The following NUP210 variants were observed in gnomAD, a reference collection of about 807,000 sequenced individuals.
NUP210 encodes nucleoporin 210.
Under a neutral mutation model 196.0 loss-of-function variants are expected in NUP210, and 151 were observed. The ratio of observed to expected loss-of-function variants is 0.77; its 90% CI spans 0.67 to 0.88. The LOEUF (loss-of-function observed/expected upper bound fraction) is 0.88. Ranked by LOEUF, NUP210 falls within the 40% of genes least tolerant of loss-of-function variation. The pLI, the probability that NUP210 is intolerant of heterozygous loss-of-function variation, is 0.00. For synonymous variants in NUP210, 1,070 were observed against 1,052.7 expected (o/e 1.02, Z -0.32); for missense variants, 2,314 against 2,493.7 (o/e 0.93, Z 1.53).
chr3:13,331,870 G>C (rs1697010108), intron 29 of NUP210, among the ~76,000 whole-genome samples: 2 of 152,108 alleles, frequency 1.3e-5, no homozygotes, highest in African/African-American at 4.8e-5. Context: ...CCTCGCCTGG[G>C]GATCTCCCTA....
chr3:13,344,987 C>G (rs1169045556), intron 20 of NUP210: 1 of 985,326 alleles, frequency 1.0e-6, no homozygotes, highest in Non-Finnish European at 1.2e-6. Flanking sequence ...TGCCGGGTGC[C>G]ATCAGTGTTG....
chr3:13,343,332 T>TGGGGGGGGGGGGGGGGG, intron 20 of NUP210, 29 bp from the exon 21 acceptor site: 2 of 214,664 alleles, frequency 9.3e-6, no homozygotes, highest in South Asian at 3.3e-5. Context: ...GGTGGAGGGG[T>TGGGGGGGGGGGGGGGGG]GGGTGGTGGG....
intron 1 of NUP210, among the ~76,000 whole-genome samples, chr3:13,400,325 G>C (rs574858140): frequency 2.6e-5 from 4 of 152,232 alleles, no homozygotes; most frequent in African/African-American, 9.6e-5. Flanking sequence ...CAACCCCAAC[G>C]GGTTCCACTA....
In NUP210 at chr3:13,317,306, A is replaced by G; in HGVS notation, c.*375T>C. 3.8e-6 allele frequency: 1 copy of G among 266,090 alleles called. No homozygotes were observed. The highest frequency in any genetic ancestry group is 7.3e-6 in the Non-Finnish European group (1 of 136,942). The allele number at this position is 266,090 out of a possible 1,614,324, so 16.5% of individuals were successfully genotyped here. Reference sequence around the variant, plus strand: ...AGACCACTACAGTAACATCACCCACAGACAACTTCTAAAGAGCACTTCTAA... The same window carrying G: ...AGACCACTACAGTAACATCACCCACGGACAACTTCTAAAGAGCACTTCTAA... On this transcript the variant is annotated 3_prime_UTR_variant, in exon 40 of 40. Coordinates refer to ENST00000254508, the MANE Select transcript of NUP210 (RefSeq NM_024923.4).
intron 36 of NUP210, 113 bp from the exon 37 acceptor site, chr3:13,320,092 C>T (rs756084683): frequency 1.3e-4 from 126 of 946,730 alleles, no homozygotes; most frequent in Non-Finnish European, 1.7e-4. Flanking sequence ...TCTCTGGAAG[C>T]ACCCCCGCTT....
At chr3:13,387,114 A>C (rs1368607404) in intron 5 of NUP210, among the ~76,000 whole-genome samples, 2 of 152,252 alleles carry the variant, frequency 1.3e-5, no homozygotes, top group Non-Finnish European at 2.9e-5. Context: ...GGCGCAGCTG[A>C]CTGCCCTCCT....
In NUP210 at chr3:13,339,929, G is replaced by A. The variant is rs765063892; in HGVS notation, c.3396C>T (p.Ala1132=). ...GCCCAGACACAGTGCCGTTCCCGAT[G>A]GCGAGGCCCTGTACCAGCCCAGCAG... ...VSAAGLVQGL[A]IGNGTVSGLV... Residue 1132 remains alanine (A), a synonymous_variant, in exon 25 of 40, where the codon GCC becomes GCT. Coordinates refer to ENST00000254508, the MANE Select transcript of NUP210 (RefSeq NM_024923.4). The A allele has an allele frequency of 6.2e-7, 1 of 1,614,052 alleles. No homozygotes were observed. The highest frequency in any genetic ancestry group is 8.5e-7 in the Non-Finnish European group (1 of 1,180,044).
At chr3:13,359,613 C>T (rs554731328) in intron 15 of NUP210, among the ~76,000 whole-genome samples, 58 of 152,274 alleles carry the variant, frequency 3.8e-4, no homozygotes, top group Admixed American at 7.2e-4. Flanking sequence ...CCGCCGAATA[C>T]CCCTTTTGCT....
At chr3:13,351,666 C>CTTT in intron 20 of NUP210, 8 of 439,376 alleles carry the variant, frequency 1.8e-5, no homozygotes, top group South Asian at 5.8e-5. Context: ...TTTGATTTTT[C>CTTT]TTTTTTTTTT....
At chr3:13,398,220 A>T (rs1699728019) in intron 2 of NUP210, among the ~76,000 whole-genome samples, 1 of 152,198 alleles carries the variant, frequency 6.6e-6, no homozygotes, top group African/African-American at 2.4e-5. Flanking sequence ...CAGGTGGATC[A>T]CTTGAGGTCA....
chr3:13,335,264 C>A (rs1697163482), intron 28 of NUP210, among the ~76,000 whole-genome samples, 190 bp downstream of exon 28: 1 of 152,230 alleles, frequency 6.6e-6, no homozygotes, highest in Non-Finnish European at 1.5e-5. Context: ...CTTGGCCCCA[C>A]CTCTGGGCTC....
chr3:13,388,493 C>T (rs1699359413), intron 4 of NUP210, 40 bp from the exon 5 acceptor site: 2 of 1,563,802 alleles, frequency 1.3e-6, no homozygotes, highest in African/African-American at 1.4e-5. Context: ...TTGATCAAAC[C>T]CCAACACAAG....
chr3:13,339,414 A>G (rs1697365711), intron 25 of NUP210, among the ~76,000 whole-genome samples: 2 of 152,234 alleles, frequency 1.3e-5, no homozygotes, highest in South Asian at 4.1e-4. Flanking sequence ...ACCCCAAAGC[A>G]GCCTTCCGAG....
intron 25 of NUP210, among the ~76,000 whole-genome samples, chr3:13,338,803 C>A (rs1452812536): frequency 6.6e-6 from 1 of 152,170 alleles, no homozygotes; most frequent in Non-Finnish European, 1.5e-5. Flanking sequence ...ACCACCAGGG[C>A]CTTTCCCCAG....
intron 3 of NUP210, among the ~76,000 whole-genome samples, chr3:13,396,593 C>CA (rs113748853): frequency 0.038 from 3,833 of 101,546 alleles, 91 homozygotes; most frequent in African/African-American, 0.074. Flanking sequence ...ACTAAAAATA[C>CA]AAAAAAAAAA....
At chr3:13,396,100 C>G (rs919190975) in intron 3 of NUP210, among the ~76,000 whole-genome samples, 7 of 152,180 alleles carry the variant, frequency 4.6e-5, no homozygotes, top group African/African-American at 1.7e-4. Flanking sequence ...GTGCTCTAAA[C>G]AGTGGTTTGG....
At chr3:13,412,231 C>CTTTTTTCT (rs1322765563) in intron 1 of NUP210, among the ~76,000 whole-genome samples, 5,117 of 104,716 alleles carry the variant, frequency 0.049, 199 homozygotes, top group African/African-American at 0.14. Flanking sequence ...TTTTCCTTTT[C>CTTTTTTCT]TTTTTTTTTT....
chr3:13,353,862 C>G, intron 17 of NUP210, 53 bp downstream of exon 17: 2 of 1,539,282 alleles, frequency 1.3e-6, no homozygotes, highest in Non-Finnish European at 1.8e-6. Flanking sequence ...TGGCAGGCTT[C>G]CTGTCTGGTC....
At chr3:13,378,576 G>C (rs978296668) in intron 8 of NUP210, among the ~76,000 whole-genome samples, 2 of 152,222 alleles carry the variant, frequency 1.3e-5, no homozygotes, top group Non-Finnish European at 2.9e-5. Context: ...TAATTGAGCT[G>C]ACACTGGGCC....
Sources: allele counts gnomAD v4.1 joint callset (sites outside exome capture counted in the v4.1 genomes callset), GRCh38; gene constraint gnomAD v4.1.1; transcripts MANE v1.5; gene names NCBI Gene and HGNC (gene_info 2026-07-23, HGNC 2026-07-21).